Variants in TPM3 observed in about 807,000 individuals in gnomAD.
The protein encoded by TPM3 is tropomyosin alpha-3 chain.
Under a neutral mutation model 43.1 loss-of-function variants are expected in TPM3, and 16 were observed. That is an observed-to-expected ratio of 0.37 (90% CI 0.25 to 0.56). TPM3 has a LOEUF of 0.56. Ranked by LOEUF, TPM3 falls within the 20% of genes least tolerant of loss-of-function variation. TPM3 has a pLI of 0.77. For missense variants in TPM3, 176 were observed against 337.2 expected (o/e 0.52, Z 3.74); for synonymous variants, 101 against 116.9 (o/e 0.86, Z 0.88).
chr1:154,183,852 CTTTTT>C (rs556708488), intron 2 of TPM3: 8 of 99,312 alleles, frequency 8.1e-5, no homozygotes, highest in Non-Finnish European at 1.1e-4. Flanking sequence ...GACTTTTCTC[CTTTTT>C]TTTTTTTTTT....
At chr1:154,183,382 G>T in intron 2 of TPM3, 1 of 1,251,892 alleles carries the variant, frequency 8.0e-7, no homozygotes, top group Non-Finnish European at 1.1e-6. Flanking sequence ...CCAGTAAACT[G>T]GGACGGGGTT....
intron 5 of TPM3, 145 bp downstream of exon 5, chr1:154,172,763 G>A: frequency 1.0e-6 from 1 of 980,304 alleles, no homozygotes; most frequent in Non-Finnish European, 1.6e-6. Flanking sequence ...CCATTCTTGG[G>A]CCTAAAAAAG....
chr1:154,171,646 C>T, intron 5 of TPM3, 158 bp from the exon 6 acceptor site: 1 of 791,690 alleles, frequency 1.3e-6, no homozygotes, highest in South Asian at 1.5e-5. Context: ...CAAGCATCAA[C>T]CCTCCTCCCT....
intron 3 of TPM3, among the ~76,000 whole-genome samples, chr1:154,175,876 T>G (rs763989031): frequency 1.9e-4 from 29 of 152,202 alleles, no homozygotes; most frequent in Non-Finnish European, 3.7e-4. Flanking sequence ...ATTGACTGAT[T>G]GACACAGGGT....
At position 154,189,189 on chromosome 1, in the gene TPM3, C is replaced by T. The variant is rs553852140; in HGVS notation, c.243+1997G>A. On this transcript the variant is annotated intron_variant, in intron 2 of 9. Coordinates refer to ENST00000651641, the MANE Select transcript of TPM3 (RefSeq NM_152263.4). ...AAAAAAAAAAAAAAAAAAGCCCAGG[C>T]GCAGTGGCTTAGGCTGGGCGCAGTG... 8.1e-4 allele frequency among the ~76,000 whole-genome samples: 100 copies of T among 122,904 alleles called. 3 individuals carry two copies. Among genetic ancestry groups the T allele is most frequent in the African/African-American group, 2.4e-3 (77 of 32,054 alleles). 80.6% of individuals were successfully genotyped at this position (122,904 alleles called of 152,430 possible). A position where few individuals can be genotyped will look rare whatever the true frequency, so the allele number is the denominator to read the frequency against.
rs372579115 is a variant in TPM3 at position 154,176,268 on chromosome 1, T to C, written c.244-20A>G. 4.3e-6 allele frequency: 7 copies of C among 1,613,902 alleles called. No homozygotes were observed. The highest frequency in any genetic ancestry group is 5.1e-6 in the Non-Finnish European group (6 of 1,179,992). ...CTCAGCCTGCATTTGAAGGAAAGAA[T>C]GGACAAGGGAAGCAGAGGCATGGAG... On this transcript the variant is annotated intron_variant, in intron 2 of 9. Transcript: ENST00000651641.
At chr1:154,161,131 T>TAAAAAAAAAA (rs953940037), downstream of TPM3, among the ~76,000 whole-genome samples, 6 of 85,084 alleles carry the variant, frequency 7.1e-5, no homozygotes, top group Middle Eastern at 5.9e-3. Flanking sequence ...ATGCAAATAT[T>TAAAAAAAAAA]AAAAAAAAAA....
At chr1:154,174,407 T>TATATATATATATATATATATATAC (rs1261318136) in intron 3 of TPM3, among the ~76,000 whole-genome samples, 1 of 72,676 alleles carries the variant, frequency 1.4e-5, no homozygotes, top group Non-Finnish European at 2.6e-5. Flanking sequence ...TATATATATA[T>TATATATATATATATATATATATAC]ACACACAAAA....
At chr1:154,160,969 G>A (rs1347341937), downstream of TPM3, among the ~76,000 whole-genome samples, 1 of 151,782 alleles carries the variant, frequency 6.6e-6, no homozygotes, top group Non-Finnish European at 1.5e-5. Context: ...CTATTCATAG[G>A]CCTAATCATA....
chr1:154,170,714 G>GT lies in TPM3; in HGVS notation c.643-4dup, dbSNP rs1661475403. On this transcript the variant is annotated splice_polypyrimidine_tract_variant and splice_region_variant and intron_variant, in intron 6 of 9. Coordinates refer to ENST00000651641, the MANE Select transcript of TPM3 (RefSeq NM_152263.4). Reference sequence around the variant, plus strand: ...TATTTATCTTCTTTTTGAGAGTACTGTAAGATAAGTAGATTAAAAATTTCA... The same window carrying GT: ...TATTTATCTTCTTTTTGAGAGTACTGTTAAGATAAGTAGATTAAAAATTTCA... The GT allele has an allele frequency of 6.3e-7, 1 of 1,592,458 alleles. No homozygotes were observed. The highest frequency in any genetic ancestry group is 8.6e-7 in the Non-Finnish European group (1 of 1,162,338).
At chr1:154,182,839 C>A in intron 2 of TPM3, 14 of 1,225,242 alleles carry the variant, frequency 1.1e-5, no homozygotes, top group Non-Finnish European at 1.5e-5. Flanking sequence ...CCTACTGGTG[C>A]TGAGCCCCAC....
Position 154,167,648 on chromosome 1 carries a change from G to A in TPM3, c.*289C>T. On this transcript the variant is annotated 3_prime_UTR_variant, in exon 10 of 10. Transcript: ENST00000651641. The stretch of plus-strand genomic sequence containing the variant: ...CTTTGATTACATAAGTCAGAGGAGG[G>A]GGAGCCTACAATAGCTCTTCCCCAC... The A allele has an allele frequency of 7.7e-7, 1 of 1,298,442 alleles. No individual in the cohort carries two copies. Among genetic ancestry groups the A allele is most frequent in the Non-Finnish European group, 9.9e-7 (1 of 1,014,766 alleles). 80.4% of individuals were successfully genotyped at this position (1,298,442 alleles called of 1,614,324 possible).
chr1:154,176,347 C>T, intron 2 of TPM3, 99 bp from the exon 3 acceptor site: 1 of 1,549,282 alleles, frequency 6.5e-7, no homozygotes, highest in Non-Finnish European at 8.8e-7. Context: ...ATGAAAAAGC[C>T]AGAGTCTCGC....
At chr1:154,159,932 GATGT>G (rs147353495), downstream of TPM3, among the ~76,000 whole-genome samples, 21,118 of 149,850 alleles carry the variant, frequency 0.14, 2,661 homozygotes, top group African/African-American at 0.34. Context: ...CTCATGGCTA[GATGT>G]ATGTGATTAA....
chr1:154,167,608 C>A lies in TPM3; in HGVS notation c.*329G>T. On this transcript the variant is annotated 3_prime_UTR_variant, in exon 10 of 10. Transcript: ENST00000651641. ...AGTTTAAATGTCAAGAAAAAATAGA[C>A]ACACACAAAAGTGGCTTTGATTACA... 1 of 1,218,470 alleles carries A rather than the reference C, an allele frequency of 8.2e-7. No homozygotes were observed. Among genetic ancestry groups the A allele is most frequent in the Non-Finnish European group, 1.0e-6 (1 of 969,062 alleles). The allele number at this position is 1,218,470 out of a possible 1,614,324, so 75.5% of individuals were successfully genotyped here.
intron 2 of TPM3, among the ~76,000 whole-genome samples, chr1:154,189,753 G>A (rs976767868): frequency 1.5e-5 from 2 of 132,220 alleles, no homozygotes; most frequent in Admixed American, 1.7e-4. Context: ...AGCCGAGATA[G>A]TACCATTTTA....
intron 2 of TPM3, chr1:154,183,032 G>T: frequency 6.2e-7 from 1 of 1,608,642 alleles, no homozygotes. Flanking sequence ...CGCTGGAGGC[G>T]CTCAGCTCGC....
chr1:154,181,400 C>T (rs1482330137), intron 2 of TPM3, among the ~76,000 whole-genome samples: 1 of 151,860 alleles, frequency 6.6e-6, no homozygotes, highest in African/African-American at 2.4e-5. Flanking sequence ...AAAACAAAAA[C>T]AAAAACTTAC....
intron 2 of TPM3, among the ~76,000 whole-genome samples, chr1:154,182,812 C>T (rs1663111635): frequency 6.6e-6 from 1 of 152,140 alleles, no homozygotes; most frequent in African/African-American, 2.4e-5. Context: ...ACTGTTTCCC[C>T]CTCGTCCGCT....
Sources: gnomAD v4.1 joint callset for allele counts (sites outside exome capture counted in the v4.1 genomes callset) on GRCh38, gnomAD v4.1.1 for gene constraint, MANE v1.5 for transcripts, NCBI Gene and HGNC (gene_info 2026-07-23, HGNC 2026-07-21) for gene names.